The following SPATA17 variants were observed in gnomAD, a reference collection of about 807,000 sequenced individuals.
The protein encoded by SPATA17 is spermatogenesis associated 17, also known as spermatogenesis-associated protein 17.
Under a neutral mutation model 62.2 loss-of-function variants are expected in SPATA17, and 53 were observed. The observed-to-expected ratio is 0.85, with a 90% CI of 0.68 to 1.07. The LOEUF is 1.07. Among genes scored for constraint, SPATA17 ranks in the 50% least tolerant of loss-of-function variants. The pLI is 0.00. For missense variants in SPATA17, 466 were observed against 425.5 expected (o/e 1.10, Z -0.84); for synonymous variants, 146 against 146.8 (o/e 0.99, Z 0.04).
chr1:217,684,236 T>C (rs548383219), intron 5 of SPATA17, among the ~76,000 whole-genome samples: 25 of 152,326 alleles, frequency 1.6e-4, no homozygotes, highest in African/African-American at 5.8e-4. Flanking sequence ...TAAGTTTCCA[T>C]ATTATTTTGA....
intron 6 of SPATA17, among the ~76,000 whole-genome samples, chr1:217,770,978 A>ATTTTTTTTTTGTTTTTTTTTTTTTTTTT (rs1673425504): frequency 2.0e-5 from 1 of 50,148 alleles, no homozygotes; most frequent in African/African-American, 8.7e-5. Context: ...AACTCATTGC[A>ATTTTTTTTTTGTTTTTTTTTTTTTTTTT]TTTTTTTTTT....
chr1:217,636,713 T>C (rs1248531220), intron 1 of SPATA17, among the ~76,000 whole-genome samples: 1 of 152,170 alleles, frequency 6.6e-6, no homozygotes, highest in Admixed American at 6.5e-5. Flanking sequence ...CGTGAGCCAC[T>C]GGGCCCAGCC....
intron 5 of SPATA17, among the ~76,000 whole-genome samples, chr1:217,722,890 C>G (rs1035936504): frequency 6.6e-6 from 1 of 152,086 alleles, no homozygotes; most frequent in Non-Finnish European, 1.5e-5. Context: ...TTGCCAATGC[C>G]ATACTGGCAC....
intron 9 of SPATA17, among the ~76,000 whole-genome samples, chr1:217,811,614 A>G (rs1419995235): frequency 6.6e-6 from 1 of 151,512 alleles, no homozygotes; most frequent in African/African-American, 2.4e-5. Flanking sequence ...AATCACTTGA[A>G]CTTGGGCGGC....
At chr1:217,715,014 A>C (rs910970137) in intron 5 of SPATA17, among the ~76,000 whole-genome samples, 34 of 152,200 alleles carry the variant, frequency 2.2e-4, no homozygotes, top group African/African-American at 7.5e-4. Context: ...AAACTAAAGT[A>C]TGTTGAATCC....
chr1:217,847,526 T>C (rs920782979), intron 9 of SPATA17, among the ~76,000 whole-genome samples: 1 of 152,076 alleles, frequency 6.6e-6, no homozygotes, highest in African/African-American at 2.4e-5. Context: ...TGTACATAGA[T>C]TAGTAAATGT....
intron 9 of SPATA17, among the ~76,000 whole-genome samples, chr1:217,853,502 G>A (rs1675710300): frequency 6.6e-6 from 1 of 152,050 alleles, no homozygotes; most frequent in Non-Finnish European, 1.5e-5. Context: ...TTGTATCTGT[G>A]ATATTCTGGT....
In SPATA17 at chr1:217,760,825, GTCAAA is replaced by G. The variant is rs200544993; in HGVS notation, c.520-13505_520-13501del. On this transcript the variant is annotated intron_variant, in intron 6 of 10. Transcript: ENST00000366933. ...ACTCAAACTATGAAATCATTTGGAA[GTCAAA>G]TCACCTGTAGAAGAATCCAAGTAAG... 2.1e-4 allele frequency among the ~76,000 whole-genome samples: 32 copies of G among 152,310 alleles called. 1 individual carries two copies. In the East Asian group the frequency reaches 6.2e-3, roughly 29 times the overall value.
chr1:217,798,380 T>C (rs1054635972), intron 8 of SPATA17, among the ~76,000 whole-genome samples: 1 of 152,202 alleles, frequency 6.6e-6, no homozygotes, highest in African/African-American at 2.4e-5. Context: ...AAGTAAATAA[T>C]TTTATACCTA....
intron 6 of SPATA17, among the ~76,000 whole-genome samples, chr1:217,759,621 T>C (rs1291540961): frequency 6.6e-6 from 1 of 152,172 alleles, no homozygotes; most frequent in Non-Finnish European, 1.5e-5. Flanking sequence ...AGGAAGTTCA[T>C]TTATAATAAA....
At chr1:217,742,119 C>CA in intron 6 of SPATA17, 21 bp downstream of exon 6, 3 of 1,613,478 alleles carry the variant, frequency 1.9e-6, no homozygotes, top group Non-Finnish European at 2.5e-6. Context: ...CTGTCCCTGA[C>CA]AGCTCCTGTA....
At chr1:217,715,976 A>G (rs969675685) in intron 5 of SPATA17, among the ~76,000 whole-genome samples, 1 of 152,212 alleles carries the variant, frequency 6.6e-6, no homozygotes, top group African/African-American at 2.4e-5. Context: ...GATGTTTATG[A>G]ATATGCGTCG....
chr1:217,847,959 G>A (rs1675565584), intron 9 of SPATA17, among the ~76,000 whole-genome samples: 1 of 151,986 alleles, frequency 6.6e-6, no homozygotes, highest in Non-Finnish European at 1.5e-5. Context: ...TTGAGCATGG[G>A]AAGTTGAGGC....
intron 5 of SPATA17, among the ~76,000 whole-genome samples, chr1:217,738,811 G>T (rs1449815992): frequency 6.6e-6 from 1 of 152,190 alleles, no homozygotes; most frequent in Admixed American, 6.5e-5. Context: ...AATTAGCTGG[G>T]CGTGGTGGCA....
intron 10 of SPATA17, among the ~76,000 whole-genome samples, chr1:217,865,421 A>C (rs1675989164): frequency 6.6e-6 from 1 of 152,178 alleles, no homozygotes; most frequent in South Asian, 2.1e-4. Context: ...TGTTATCATT[A>C]ATGCTCTAAG....
chr1:217,722,332 C>G (rs1168686462), intron 5 of SPATA17, among the ~76,000 whole-genome samples: 1 of 151,836 alleles, frequency 6.6e-6, no homozygotes, highest in African/African-American at 2.4e-5. Flanking sequence ...AGCCATCCTG[C>G]AGGTAATAAA....
intron 3 of SPATA17, among the ~76,000 whole-genome samples, chr1:217,659,449 A>T (rs1670517908): frequency 6.6e-6 from 1 of 152,104 alleles, no homozygotes; most frequent in Non-Finnish European, 1.5e-5. Flanking sequence ...AAATAATTTT[A>T]TATTAATATA....
intron 6 of SPATA17, among the ~76,000 whole-genome samples, chr1:217,767,267 T>C (rs1376455963): frequency 1.3e-5 from 2 of 152,232 alleles, no homozygotes; most frequent in East Asian, 3.9e-4. Context: ...AGGTGTTTTT[T>C]CTTTGTGTCT....
intron 9 of SPATA17, among the ~76,000 whole-genome samples, chr1:217,825,283 G>T (rs1674964908): frequency 6.6e-6 from 1 of 150,994 alleles, no homozygotes. Flanking sequence ...GTTCTTTTTT[G>T]TATTCATATA....
Sources: allele counts gnomAD v4.1 joint callset (sites outside exome capture counted in the v4.1 genomes callset), GRCh38; gene constraint gnomAD v4.1.1; transcripts MANE v1.5; gene names NCBI Gene and HGNC (gene_info 2026-07-23, HGNC 2026-07-21).